Variants in ADGB observed in about 807,000 individuals in gnomAD.
The protein encoded by ADGB is androglobin.
Under a neutral mutation model 210.5 loss-of-function variants are expected in ADGB, and 172 were observed. That is an observed-to-expected ratio of 0.82 (90% CI 0.72 to 0.93). The LOEUF (loss-of-function observed/expected upper bound fraction) is 0.93. Among genes scored for constraint, ADGB ranks in the 40% least tolerant of loss-of-function variants. The pLI is 0.00. For missense variants in ADGB, 2,025 were observed against 1,964.8 expected (o/e 1.03, Z -0.58); for synonymous variants, 658 against 662.7 (o/e 0.99, Z 0.11).
At chr6:146,630,363 G>A (rs1054179392) in intron 1 of ADGB, among the ~76,000 whole-genome samples, 1 of 152,118 alleles carries the variant, frequency 6.6e-6, no homozygotes, top group African/African-American at 2.4e-5. Context: ...TTAGAGGCCA[G>A]CCTGACAAAA....
At chr6:146,647,300 C>A (rs1364269232) in intron 3 of ADGB, among the ~76,000 whole-genome samples, 1 of 151,646 alleles carries the variant, frequency 6.6e-6, no homozygotes, top group Non-Finnish European at 1.5e-5. Context: ...TAGGAATTAT[C>A]TTGATAAAAT....
At chr6:146,808,454 T>C (rs117181815) in intron 35 of ADGB, among the ~76,000 whole-genome samples, 2,167 of 151,982 alleles carry the variant, frequency 0.014, 25 homozygotes, top group Non-Finnish European at 0.023. Flanking sequence ...AAACATCCAT[T>C]TTCATGCTCA....
At chr6:146,648,939 T>G (rs1236818375) in intron 3 of ADGB, among the ~76,000 whole-genome samples, 1 of 151,914 alleles carries the variant, frequency 6.6e-6, no homozygotes, top group Non-Finnish European at 1.5e-5. Flanking sequence ...ATTTTACAAA[T>G]TTTAGAAACA....
intron 3 of ADGB, among the ~76,000 whole-genome samples, chr6:146,651,605 A>T (rs977356455): frequency 6.6e-6 from 1 of 152,184 alleles, no homozygotes; most frequent in Non-Finnish European, 1.5e-5. Context: ...ATATTTGCCC[A>T]TCTGCAGCTC....
chr6:146,612,121 A>G (rs775501130), intron 1 of ADGB, among the ~76,000 whole-genome samples: 3 of 151,846 alleles, frequency 2.0e-5, no homozygotes, highest in Non-Finnish European at 4.4e-5. Flanking sequence ...GGCCTCTTTT[A>G]CCTTTTCCTG....
At chr6:146,690,484 G>A (rs1331377478) in intron 10 of ADGB, among the ~76,000 whole-genome samples, 1 of 152,114 alleles carries the variant, frequency 6.6e-6, no homozygotes, top group Non-Finnish European at 1.5e-5. Context: ...GCATTGTTCA[G>A]CCGTAAATCA....
intron 27 of ADGB, among the ~76,000 whole-genome samples, chr6:146,754,281 C>T (rs1012158820): frequency 2.6e-5 from 4 of 150,964 alleles, no homozygotes; most frequent in African/African-American, 9.7e-5. Flanking sequence ...CCTAATCAGA[C>T]TTTTTTGAAT....
chr6:146,728,533 T>G, intron 19 of ADGB, 41 bp from the exon 20 acceptor site: 1 of 1,531,902 alleles, frequency 6.5e-7, no homozygotes. Flanking sequence ...AGATGACACT[T>G]AAGGATGAGT....
intron 1 of ADGB, among the ~76,000 whole-genome samples, chr6:146,630,457 C>G (rs1468490410): frequency 6.6e-6 from 1 of 151,850 alleles, no homozygotes; most frequent in Non-Finnish European, 1.5e-5. Flanking sequence ...TTGGCACTCC[C>G]TGCTACTTGG....
intron 1 of ADGB, among the ~76,000 whole-genome samples, chr6:146,626,139 C>G (rs1337910418): frequency 6.6e-6 from 1 of 151,856 alleles, no homozygotes; most frequent in African/African-American, 2.4e-5. Flanking sequence ...ACACTCTACC[C>G]TCTTGTGATG....
chr6:146,718,262 G>A (rs926358348), intron 16 of ADGB, among the ~76,000 whole-genome samples: 1 of 148,724 alleles, frequency 6.7e-6, no homozygotes, highest in Non-Finnish European at 1.5e-5. Context: ...CAGGAGAATC[G>A]CTTGAACCTG....
chr6:146,700,856 T>C (rs1776479408), intron 12 of ADGB, 85 bp from the exon 13 acceptor site: 3 of 1,431,034 alleles, frequency 2.1e-6, no homozygotes, highest in African/African-American at 2.9e-5. Context: ...GAACTTTCTA[T>C]TGTTGACAAA....
chr6:146,749,626 G>A (rs553624411), intron 26 of ADGB, among the ~76,000 whole-genome samples: 1 of 152,070 alleles, frequency 6.6e-6, no homozygotes, highest in Non-Finnish European at 1.5e-5. Context: ...AGTAGCTTTA[G>A]CACCTGGTGT....
At chr6:146,696,639 T>G (rs1324314454) in intron 12 of ADGB, among the ~76,000 whole-genome samples, 1 of 152,162 alleles carries the variant, frequency 6.6e-6, no homozygotes, top group Non-Finnish European at 1.5e-5. Flanking sequence ...AAGATACTAT[T>G]GAAAAATGCC....
intron 10 of ADGB, among the ~76,000 whole-genome samples, chr6:146,690,708 A>G (rs1392929358): frequency 6.6e-6 from 1 of 152,224 alleles, no homozygotes; most frequent in African/African-American, 2.4e-5. Context: ...CACACTCAAG[A>G]AAGTAGTATT....
chr6:146,785,326 G>A (rs1267040322), intron 31 of ADGB, among the ~76,000 whole-genome samples: 1 of 152,066 alleles, frequency 6.6e-6, no homozygotes, highest in Non-Finnish European at 1.5e-5. Context: ...TTGGGCAGAT[G>A]AAAAAGATTC....
chr6:146,706,616 G>T (rs1377223482), intron 13 of ADGB, among the ~76,000 whole-genome samples: 2 of 151,980 alleles, frequency 1.3e-5, no homozygotes, highest in African/African-American at 2.4e-5. Flanking sequence ...TTATGATTCA[G>T]TCTTGGTAAC....
intron 1 of ADGB, among the ~76,000 whole-genome samples, chr6:146,606,528 G>A (rs908307671): frequency 1.3e-5 from 2 of 152,206 alleles, no homozygotes; most frequent in Non-Finnish European, 1.5e-5. Context: ...TTTTCAAATA[G>A]TTTTACATTT....
chr6:146,643,687 A>T (rs1050441179), intron 2 of ADGB, among the ~76,000 whole-genome samples: 2 of 151,902 alleles, frequency 1.3e-5, no homozygotes, highest in African/African-American at 4.8e-5. Flanking sequence ...ATCCCAGATA[A>T]ATGGAAACTT....
Sources: allele counts gnomAD v4.1 joint callset (sites outside exome capture counted in the v4.1 genomes callset), GRCh38; gene constraint gnomAD v4.1.1; transcripts MANE v1.5; gene names NCBI Gene and HGNC (gene_info 2026-07-23, HGNC 2026-07-21).